Variants in RASSF8 observed in about 807,000 individuals in gnomAD.
RASSF8 encodes the protein Ras association domain family member 8, also known as ras association domain-containing protein 8.
A neutral mutation model predicts 48.5 loss-of-function variants in RASSF8; 22 were observed. That is an observed-to-expected ratio of 0.45 (90% CI 0.32 to 0.65). The LOEUF is 0.65. Ranked by LOEUF, RASSF8 falls within the 30% of genes least tolerant of loss-of-function variation. The pLI is 0.03. For missense variants in RASSF8, 418 were observed against 489.2 expected (o/e 0.85, Z 1.37); for synonymous variants, 127 against 171.5 (o/e 0.74, Z 2.03).
intron 3 of RASSF8, among the ~76,000 whole-genome samples, chr12:26,061,992 A>C (rs1943754194): frequency 6.6e-6 from 1 of 152,208 alleles, no homozygotes; most frequent in African/African-American, 2.4e-5. Context: ...CTGGAAAATT[A>C]GTTTTATTTT....
downstream of RASSF8, among the ~76,000 whole-genome samples, chr12:26,076,136 A>G (rs1205512428): frequency 6.6e-6 from 1 of 152,144 alleles, no homozygotes; most frequent in African/African-American, 2.4e-5. Context: ...GATGCCCCCT[A>G]GTCTTCTCTT....
chr12:25,999,929 G>A (rs1334622767), intron 2 of RASSF8, among the ~76,000 whole-genome samples: 2 of 152,166 alleles, frequency 1.3e-5, no homozygotes, highest in Non-Finnish European at 2.9e-5. Context: ...ACTTTGCTCT[G>A]AAGATAATGA....
intron 1 of RASSF8, among the ~76,000 whole-genome samples, chr12:25,961,763 TC>T (rs1565594013): frequency 6.6e-6 from 1 of 152,214 alleles, no homozygotes; most frequent in Non-Finnish European, 1.5e-5. Context: ...AGAATTGAGC[TC>T]TTGGTCACTC....
chr12:26,064,562 T>C lies in RASSF8; in HGVS notation c.168T>C (p.His56=). The change falls in exon 4 of 6, where the codon CAT becomes CAC. Residue 56 remains histidine (H), a synonymous_variant. Coordinates refer to ENST00000689635, the MANE Select transcript of RASSF8 (RefSeq NM_001394098.1). ...WRDTERHLAP[H]ENPIISLNKW... ...ATACTGAAAGACACTTAGCACCTCA[T>C]GAAAATCCTATCATATCCTTAAACA... 1 of 1,613,222 alleles carries C rather than the reference T, an allele frequency of 6.2e-7. No homozygotes were observed. The highest frequency in any genetic ancestry group is 8.5e-7 in the Non-Finnish European group (1 of 1,179,546).
At position 26,071,192 on chromosome 12, in the gene RASSF8, A is replaced by C; in HGVS notation, c.*2374A>C. ...TATTTTCTAAGACTCAGAGGGAAAAAAACTCGTTTTCATAGGATCATCTGA... is the reference window on the plus strand; with the variant it reads ...TATTTTCTAAGACTCAGAGGGAAAACAACTCGTTTTCATAGGATCATCTGA... On this transcript the variant is annotated 3_prime_UTR_variant, in exon 6 of 6. Transcript: ENST00000689635. 4.1e-6 allele frequency: 4 copies of C among 979,792 alleles called. No homozygotes were observed. Among genetic ancestry groups the C allele is most frequent in the Non-Finnish European group, 4.8e-6 (4 of 824,826 alleles). The allele number at this position is 979,792 out of a possible 1,614,324, so 60.7% of individuals were successfully genotyped here. A position where few individuals can be genotyped will look rare whatever the true frequency, so the allele number is the denominator to read the frequency against.
At chr12:26,075,893 C>T (rs1053228206), downstream of RASSF8, among the ~76,000 whole-genome samples, 2 of 152,144 alleles carry the variant, frequency 1.3e-5, no homozygotes, top group Admixed American at 1.3e-4. Flanking sequence ...AGAGAAGCCA[C>T]TGTGACAGTC....
chr12:26,065,049 G>C lies in RASSF8; in HGVS notation c.655G>C (p.Glu219Gln), dbSNP rs1379483728. 1.2e-6 allele frequency: 2 copies of C among 1,613,582 alleles called. No individual in the cohort carries two copies. The highest frequency in any genetic ancestry group is 2.7e-5 in the African/African-American group (2 of 74,880). Residue 219 changes from glutamate to glutamine, a missense_variant, in exon 4 of 6, where the codon GAA (glutamate) becomes CAA (glutamine). By Grantham distance (29) the Glu-to-Gln change is conservative. Coordinates refer to ENST00000689635, the MANE Select transcript of RASSF8 (RefSeq NM_001394098.1). The stretch of plus-strand genomic sequence containing the variant: ...GCAAAAGATCAAAAGAAACGATGTA[G>C]AAATTGAGGAGGAAGAATTCTGGGA... Reference protein sequence around the residue: ...LEQKIKRNDVEIEEEEFWENE... With the variant: ...LEQKIKRNDVQIEEEEFWENE...
chr12:26,000,907 C>T (rs553859864), intron 2 of RASSF8, among the ~76,000 whole-genome samples: 26 of 151,220 alleles, frequency 1.7e-4, no homozygotes, highest in African/African-American at 5.1e-4. Flanking sequence ...ATGTGAGGGC[C>T]GAGGACATTA....
At chr12:25,962,370 C>T (rs985817748) in intron 1 of RASSF8, among the ~76,000 whole-genome samples, 3 of 152,158 alleles carry the variant, frequency 2.0e-5, no homozygotes, top group African/African-American at 7.2e-5. Context: ...TATCGTCATG[C>T]GAATTAAATG....
intron 2 of RASSF8, among the ~76,000 whole-genome samples, chr12:26,047,530 A>G (rs1943397491): frequency 6.6e-6 from 1 of 152,220 alleles, no homozygotes; most frequent in African/African-American, 2.4e-5. Context: ...CTCTGCCGTC[A>G]CCTGTGCATG....
At chr12:25,963,204 A>G (rs1941277062) in intron 1 of RASSF8, among the ~76,000 whole-genome samples, 1 of 152,004 alleles carries the variant, frequency 6.6e-6, no homozygotes, top group Admixed American at 6.5e-5. Context: ...TGGTAACCAG[A>G]CATCACTGGA....
intron 2 of RASSF8, among the ~76,000 whole-genome samples, chr12:26,047,050 C>CTT (rs1396237859): frequency 6.6e-6 from 1 of 152,186 alleles, no homozygotes; most frequent in Non-Finnish European, 1.5e-5. Context: ...GTTCTGAGAG[C>CTT]TTTAACGGGA....
intron 2 of RASSF8, among the ~76,000 whole-genome samples, chr12:26,009,051 T>G (rs1304265953): frequency 6.6e-6 from 1 of 152,196 alleles, no homozygotes; most frequent in African/African-American, 2.4e-5. Flanking sequence ...TACCACAAAA[T>G]GGATTTCTGT....
chr12:26,060,274 T>A (rs1009375328), intron 3 of RASSF8, among the ~76,000 whole-genome samples: 11 of 152,174 alleles, frequency 7.2e-5, no homozygotes, highest in African/African-American at 2.4e-4. Flanking sequence ...TTACATGATA[T>A]ACACTGGGAA....
chr12:26,004,002 C>A (rs1353234212), intron 2 of RASSF8, among the ~76,000 whole-genome samples: 6 of 151,902 alleles, frequency 3.9e-5, no homozygotes, highest in African/African-American at 1.2e-4. Context: ...CATGGTGAAA[C>A]CCTATCTCTA....
At chr12:25,976,671 C>T (rs963509582) in intron 1 of RASSF8, among the ~76,000 whole-genome samples, 1 of 152,182 alleles carries the variant, frequency 6.6e-6, no homozygotes, top group Non-Finnish European at 1.5e-5. Flanking sequence ...AGTGTACTTT[C>T]GTTTTCAGTA....
intron 5 of RASSF8, among the ~76,000 whole-genome samples, chr12:26,067,936 T>C (rs1032117540): frequency 5.9e-5 from 9 of 152,046 alleles, no homozygotes; most frequent in African/African-American, 2.2e-4. Context: ...GCTGATTTTC[T>C]TTTTTTGTAT....
At chr12:26,034,159 G>A (rs1943082886) in intron 2 of RASSF8, among the ~76,000 whole-genome samples, 1 of 152,058 alleles carries the variant, frequency 6.6e-6, no homozygotes, top group South Asian at 2.1e-4. Context: ...CTGGAGTGAG[G>A]TGGGCAAATG....
chr12:25,969,928 T>C (rs767844086), intron 1 of RASSF8, among the ~76,000 whole-genome samples: 1 of 152,050 alleles, frequency 6.6e-6, no homozygotes, highest in Admixed American at 6.6e-5. Flanking sequence ...TTTAGACCTT[T>C]ATTTCCCCGA....
Sources: allele counts gnomAD v4.1 joint callset (sites outside exome capture counted in the v4.1 genomes callset), GRCh38; gene constraint gnomAD v4.1.1; transcripts MANE v1.5; gene names NCBI Gene and HGNC (gene_info 2026-07-23, HGNC 2026-07-21).